LYZL1: variants seen among roughly 807,000 people sequenced by gnomAD.
LYZL1 encodes lysozyme-like protein 1.
In LYZL1, 16 loss-of-function variants were observed where a neutral mutation model predicts 17.9. The ratio of observed to expected loss-of-function variants is 0.90; its 90% CI spans 0.61 to 1.36. The LOEUF (loss-of-function observed/expected upper bound fraction) is 1.36, where lower values mean the gene tolerates loss of function less well. LYZL1 is among the 40% of genes most tolerant of loss of function. The probability of loss-of-function intolerance (pLI) is 0.00; values close to 1 mark genes in which losing one functional copy is unlikely to be tolerated. For missense variants in LYZL1, 149 were observed against 188.4 expected (o/e 0.79, Z 1.22); for synonymous variants, 58 against 71.8 (o/e 0.81, Z 0.97).
At chr10:29,310,751 G>A (rs143680485) in intron 4 of LYZL1, among the ~76,000 whole-genome samples, 10,138 of 152,212 alleles carry the variant, frequency 0.067, 376 homozygotes, top group South Asian at 0.14. Context: ...GTGTGACATG[G>A]AATGACCCAT....
intron 3 of LYZL1, among the ~76,000 whole-genome samples, chr10:29,306,572 A>AG (rs1835596324): frequency 7.5e-6 from 1 of 132,608 alleles, no homozygotes; most frequent in Non-Finnish European, 1.7e-5. Context: ...AAAAAAAAAA[A>AG]AAAGAAAAAA....
rs550140934 is a variant in LYZL1, at chr10:29,293,880, G to A, written c.298+1203G>A. Among the ~76,000 whole-genome samples the A allele has an allele frequency of 7.9e-5, 12 of 151,928 alleles. No homozygotes were observed. The East Asian group carries it at 1.2e-3, about 15-fold the overall frequency. On this transcript the variant is annotated intron_variant, in intron 3 of 4. Coordinates refer to ENST00000649382, the MANE Select transcript of LYZL1 (RefSeq NM_032517.6). ...TCCCAGCTACTCGGGAGGCTGAAGC[G>A]GGAGAATTGCTTGAACCCGGGAGGT...
At chr10:29,297,628 G>A (rs966110033) in intron 3 of LYZL1, among the ~76,000 whole-genome samples, 5 of 152,106 alleles carry the variant, frequency 3.3e-5, no homozygotes, top group Non-Finnish European at 7.3e-5. Context: ...TATACACTAT[G>A]GTCCCATTAG....
At chr10:29,306,549 CAAAAAAAAAAAAAAA>C (rs58001118) in intron 3 of LYZL1, among the ~76,000 whole-genome samples, 3 of 48,794 alleles carry the variant, frequency 6.1e-5, no homozygotes, top group African/African-American at 1.9e-4. Context: ...GACTCCGTCT[CAAAAAAAAAAAAAAA>C]AAAAAAAAAA....
chr10:29,298,895 A>C (rs999338448), intron 3 of LYZL1, among the ~76,000 whole-genome samples: 1 of 152,182 alleles, frequency 6.6e-6, no homozygotes, highest in Non-Finnish European at 1.5e-5. Context: ...CATTACACTT[A>C]TTGTCCACTT....
At chr10:29,312,531 A>G (rs1026233831), downstream of LYZL1, among the ~76,000 whole-genome samples, 5 of 152,238 alleles carry the variant, frequency 3.3e-5, no homozygotes, top group Admixed American at 3.3e-4. Context: ...TCAAAAAGCC[A>G]TGCTTACAAG....
intron 3 of LYZL1, among the ~76,000 whole-genome samples, chr10:29,299,363 A>G (rs1332183284): frequency 6.6e-6 from 1 of 152,052 alleles, no homozygotes; most frequent in Non-Finnish European, 1.5e-5. Flanking sequence ...CTTGTTTTAC[A>G]GCACAGCAAA....
At chr10:29,316,699 T>A (rs150205286) in intron 3 of LYZL1, among the ~76,000 whole-genome samples, 1 of 148,120 alleles carries the variant, frequency 6.8e-6, no homozygotes, top group African/African-American at 2.5e-5. Flanking sequence ...TTTTTCTTTT[T>A]CCTTTTCCTT....
downstream of LYZL1, chr10:29,311,337 G>C (rs1835670352): frequency 5.2e-6 from 5 of 969,816 alleles, no homozygotes; most frequent in African/African-American, 6.8e-5. Flanking sequence ...CTTCATTGTA[G>C]GGAGTCCTGG....
chr10:29,314,842 G>A (rs1326460488), downstream of LYZL1, among the ~76,000 whole-genome samples: 2 of 152,152 alleles, frequency 1.3e-5, no homozygotes, highest in Non-Finnish European at 2.9e-5. Flanking sequence ...CTATCGCCCA[G>A]GGGCCACAGC....
At chr10:29,296,703 C>T (rs1835450541) in intron 3 of LYZL1, among the ~76,000 whole-genome samples, 1 of 152,176 alleles carries the variant, frequency 6.6e-6, no homozygotes, top group African/African-American at 2.4e-5. Flanking sequence ...GCCAGACTCT[C>T]CAGATGAGAA....
In LYZL1 at chr10:29,292,616, C is replaced by A. The variant is rs980642729; in HGVS notation, c.237C>A (p.Ser79Arg). The change falls in exon 3 of 5, where the codon AGC becomes AGA. Residue 79 changes from serine (S) to arginine (R), a missense_variant. Transcript: ENST00000649382. The part of the protein sequence containing the change: ...SIDYGIFQIN[S>R]FAWCRRGKLK... ...ACTATGGCATCTTCCAGATCAACAGCTTCGCGTGGTGCAGACGCGGAAAGC... is the reference window on the plus strand; with the variant it reads ...ACTATGGCATCTTCCAGATCAACAGATTCGCGTGGTGCAGACGCGGAAAGC... The A allele has an allele frequency of 1.9e-6, 3 of 1,614,144 alleles. No homozygotes were observed. The African/African-American group carries it at 4.0e-5, about 22-fold the overall frequency.
At chr10:29,312,352 G>A (rs1835683110), downstream of LYZL1, among the ~76,000 whole-genome samples, 1 of 151,590 alleles carries the variant, frequency 6.6e-6, no homozygotes, top group South Asian at 2.1e-4. Flanking sequence ...ACACAAATTT[G>A]TAAACTTTAT....
chr10:29,313,901 T>C (rs1272403158), downstream of LYZL1, among the ~76,000 whole-genome samples: 2 of 152,218 alleles, frequency 1.3e-5, no homozygotes, highest in Non-Finnish European at 2.9e-5. Flanking sequence ...AGTGATTGGC[T>C]TATGTGGGTA....
chr10:29,306,411 G>T (rs12268643), intron 3 of LYZL1, among the ~76,000 whole-genome samples: 2 of 146,420 alleles, frequency 1.4e-5, no homozygotes, highest in Admixed American at 6.8e-5. Flanking sequence ...TTAGCCGGGC[G>T]TAGTGGCGGG....
chr10:29,290,896 G>T (rs1197700732), intron 1 of LYZL1, among the ~76,000 whole-genome samples: 1 of 152,134 alleles, frequency 6.6e-6, no homozygotes, highest in East Asian at 1.9e-4. Context: ...TCCCACATTT[G>T]GAACTGAATC....
At chr10:29,293,664 A>G (rs186828060) in intron 3 of LYZL1, among the ~76,000 whole-genome samples, 1 of 152,240 alleles carries the variant, frequency 6.6e-6, no homozygotes, top group African/African-American at 2.4e-5. Flanking sequence ...GCTTCAGAGG[A>G]AAGTGACAGT....
At chr10:29,294,842 C>T (rs1161188614) in intron 3 of LYZL1, among the ~76,000 whole-genome samples, 1 of 152,102 alleles carries the variant, frequency 6.6e-6, no homozygotes, top group African/African-American at 2.4e-5. Flanking sequence ...TTTTCCTGTA[C>T]ATAGATACCA....
At chr10:29,313,992 A>G (rs1035757908), downstream of LYZL1, among the ~76,000 whole-genome samples, 2 of 152,132 alleles carry the variant, frequency 1.3e-5, no homozygotes, top group African/African-American at 2.4e-5. Context: ...TTGAATCCCA[A>G]CTTGTTCCCT....
Sources: gnomAD v4.1 joint callset for allele counts (sites outside exome capture counted in the v4.1 genomes callset) on GRCh38, gnomAD v4.1.1 for gene constraint, MANE v1.5 for transcripts, NCBI Gene and HGNC (gene_info 2026-07-23, HGNC 2026-07-21) for gene names.